The following CHLSN variants were observed in gnomAD, a reference collection of about 807,000 sequenced individuals.
The protein encoded by CHLSN is cholesin, also known as protein cholesin.
the CHLSN span, among the ~76,000 whole-genome samples, chr7:1,111,623 G>A: frequency 6.6e-5 from 10 of 152,142 alleles, no homozygotes; most frequent in Admixed American, 1.3e-4. Flanking sequence ...AACGTAGGGA[G>A]ACTCTGTCCC....
chr7:998,376 T>G, the CHLSN span, among the ~76,000 whole-genome samples: 1 of 151,844 alleles, frequency 6.6e-6, no homozygotes, highest in African/African-American at 2.4e-5. Context: ...TAATTCCATG[T>G]GGGACTTGCA....
the CHLSN span, among the ~76,000 whole-genome samples, chr7:1,094,182 G>A: frequency 1.1e-4 from 17 of 152,220 alleles, no homozygotes; most frequent in Non-Finnish European, 2.2e-4. Flanking sequence ...GCAGCCGGCC[G>A]GGAAGGTTCC....
At chr7:1,137,410 G>C in the CHLSN span, 2 of 152,342 alleles carry the variant, frequency 1.3e-5, no homozygotes, top group South Asian at 2.1e-4. Context: ...GACAGCTGTA[G>C]CCCAATGCCC....
chr7:1,130,450 G>T, the CHLSN span, among the ~76,000 whole-genome samples: 78 of 152,172 alleles, frequency 5.1e-4, no homozygotes, highest in African/African-American at 1.9e-3. Context: ...CACGCCTGCT[G>T]CTGCAGCGAA....
the CHLSN span, among the ~76,000 whole-genome samples, chr7:1,042,589 C>T: frequency 6.6e-6 from 1 of 152,360 alleles, no homozygotes; most frequent in Middle Eastern, 3.4e-3. Context: ...GCCATTCTCC[C>T]TGGCAGGACT....
chr7:1,130,985 T>G, the CHLSN span, among the ~76,000 whole-genome samples: 1 of 152,116 alleles, frequency 6.6e-6, no homozygotes, highest in East Asian at 1.9e-4. Context: ...CCCAGGAGTT[T>G]GAGACCAGCC....
chr7:1,013,765 G>A, the CHLSN span, among the ~76,000 whole-genome samples: 213 of 152,286 alleles, frequency 1.4e-3, no homozygotes, highest in African/African-American at 4.8e-3. Flanking sequence ...GCAGAAAGTC[G>A]TACAAAAGTA....
chr7:1,016,826 C>A, the CHLSN span, among the ~76,000 whole-genome samples: 18 of 100,380 alleles, frequency 1.8e-4, 1 homozygote, highest in African/African-American at 7.7e-4. Context: ...CGCACAGCAG[C>A]GCACAGCAGC....
the CHLSN span, among the ~76,000 whole-genome samples, chr7:1,015,607 G>A: frequency 2.6e-5 from 4 of 152,226 alleles, no homozygotes; most frequent in African/African-American, 9.6e-5. Flanking sequence ...CTGACCCAGA[G>A]GGCAGGGAGG....
the CHLSN span, among the ~76,000 whole-genome samples, chr7:982,927 T>C: frequency 1.3e-5 from 2 of 152,144 alleles, no homozygotes; most frequent in East Asian, 3.9e-4. Context: ...GGCAGAACAG[T>C]CCACGTGCCA....
At chr7:1,082,525 G>A in the CHLSN span, among the ~76,000 whole-genome samples, 7 of 152,194 alleles carry the variant, frequency 4.6e-5, no homozygotes, top group African/African-American at 7.2e-5. Flanking sequence ...TGGCTGGGAC[G>A]GGCTCACAGG....
At chr7:1,057,236 G>T in the CHLSN span, among the ~76,000 whole-genome samples, 2 of 152,144 alleles carry the variant, frequency 1.3e-5, no homozygotes, top group African/African-American at 4.8e-5. Context: ...GAGAATGTGG[G>T]GCACACCAGG....
At chr7:988,488 G>C in the CHLSN span, 6 of 1,601,308 alleles carry the variant, frequency 3.7e-6, no homozygotes, top group Non-Finnish European at 5.1e-6. Context: ...CCCCAGCTCC[G>C]CCTGCCGCCT....
At chr7:1,053,431 G>A in the CHLSN span, among the ~76,000 whole-genome samples, 8 of 152,204 alleles carry the variant, frequency 5.3e-5, no homozygotes, top group African/African-American at 1.4e-4. Context: ...CACGCGTCAC[G>A]AGTCTCCTGT....
At chr7:1,053,945 A>T in the CHLSN span, among the ~76,000 whole-genome samples, 1 of 152,176 alleles carries the variant, frequency 6.6e-6, no homozygotes, top group South Asian at 2.1e-4. Context: ...ACTCCCAGGG[A>T]CCCTGTTCCT....
the CHLSN span, chr7:1,055,592 G>A: frequency 2.7e-6 from 1 of 375,446 alleles, no homozygotes; most frequent in Non-Finnish European, 5.3e-6. Flanking sequence ...TGGGAGAGAG[G>A]ACGCAGGGGG....
chr7:981,033 C>T, the CHLSN span, among the ~76,000 whole-genome samples: 2 of 152,058 alleles, frequency 1.3e-5, no homozygotes, highest in African/African-American at 2.4e-5. Context: ...CTGTGGCTCA[C>T]GCCTGTAATC....
the CHLSN span, among the ~76,000 whole-genome samples, chr7:1,076,557 G>A: frequency 1.3e-5 from 2 of 152,264 alleles, no homozygotes; most frequent in Admixed American, 6.5e-5. Context: ...CCCTAACACA[G>A]GCAAGCGTCA....
At chr7:1,092,372 A>G in the CHLSN span, 1 of 1,584,394 alleles carries the variant, frequency 6.3e-7, no homozygotes, top group Non-Finnish European at 8.6e-7. Flanking sequence ...CGGGAGGTGC[A>G]GTGGCTCGAG....
Sources: allele counts gnomAD v4.1 joint callset (sites outside exome capture counted in the v4.1 genomes callset), GRCh38; gene constraint gnomAD v4.1.1; transcripts MANE v1.5; gene names NCBI Gene and HGNC (gene_info 2026-07-23, HGNC 2026-07-21).